PDZD2: variants seen among roughly 807,000 people sequenced by gnomAD.
PDZD2 encodes PDZ domain-containing protein 2.
A neutral mutation model predicts 220.7 loss-of-function variants in PDZD2; 90 were observed. That is an observed-to-expected ratio of 0.41 (90% CI 0.34 to 0.49). PDZD2 has a LOEUF of 0.49. Among genes scored for constraint, PDZD2 ranks in the 20% least tolerant of loss-of-function variants. PDZD2 has a pLI of 0.28. For missense variants in PDZD2, 3,174 were observed against 3,608.5 expected (o/e 0.88, Z 3.08); for synonymous variants, 1,375 against 1,450.5 (o/e 0.95, Z 1.18).
chr5:31,824,847 G>A (rs1756118914), intron 2 of PDZD2, among the ~76,000 whole-genome samples: 1 of 152,206 alleles, frequency 6.6e-6, no homozygotes, highest in South Asian at 2.1e-4. Flanking sequence ...ACGATTGCAG[G>A]ATCAAATATC....
chr5:32,013,838 G>A (rs59297643), intron 6 of PDZD2, among the ~76,000 whole-genome samples: 1,737 of 152,180 alleles, frequency 0.011, 33 homozygotes, highest in African/African-American at 0.04. Context: ...AGGTGGAACC[G>A]GGCTTCATGC....
At chr5:31,695,910 G>A (rs1293234425) in intron 1 of PDZD2, among the ~76,000 whole-genome samples, 5 of 152,128 alleles carry the variant, frequency 3.3e-5, no homozygotes, top group South Asian at 2.1e-4. Flanking sequence ...GGTGCATAAC[G>A]TCTTCAAAAT....
intron 1 of PDZD2, among the ~76,000 whole-genome samples, chr5:31,694,460 G>A (rs185991211): frequency 6.6e-5 from 10 of 152,290 alleles, no homozygotes; most frequent in East Asian, 3.9e-4. Context: ...CCACAGGTTT[G>A]GCTGTCTTCA....
At position 31,983,278 on chromosome 5, in the gene PDZD2, A is replaced by T; in HGVS notation, c.600A>T (p.Thr200=). The T allele has an allele frequency of 6.2e-7, 1 of 1,614,186 alleles. No homozygotes were observed. Among genetic ancestry groups the T allele is most frequent in the South Asian group, 1.1e-5 (1 of 91,084 alleles). ...GCAACAGCTCTGAACCAGGAGAAACACCTACCTTGGAGCTGGGTGACCGAA... is the reference window on the plus strand; with the variant it reads ...GCAACAGCTCTGAACCAGGAGAAACTCCTACCTTGGAGCTGGGTGACCGAA... ...NSSNSSEPGE[T]PTLELGDRTA... The change falls in exon 3 of 25, where the codon ACA becomes ACT. Residue 200 remains threonine, a synonymous_variant. Coordinates refer to ENST00000438447, the MANE Select transcript of PDZD2 (RefSeq NM_178140.4).
intron 19 of PDZD2, among the ~76,000 whole-genome samples, chr5:32,081,750 C>T (rs2112439805): frequency 6.6e-6 from 1 of 152,292 alleles, no homozygotes; most frequent in Middle Eastern, 3.4e-3. Flanking sequence ...GTGGCGGAGT[C>T]TTGCTCTGTT....
chr5:31,991,233 A>G (rs1252299070), intron 3 of PDZD2, among the ~76,000 whole-genome samples: 1 of 152,120 alleles, frequency 6.6e-6, no homozygotes, highest in African/African-American at 2.4e-5. Context: ...TTGATGGAGG[A>G]TAATGGATTG....
In PDZD2 at chr5:32,074,549, G is replaced by A. The variant is rs749545097; in HGVS notation, c.3443G>A (p.Arg1148Lys). ...TCACAGACAGTGAACCTGACTGGCA[G>A]AGCCAATGATCCATGCGATCTGGAC... Reference protein sequence around the residue: ...SGSQTVNLTGRANDPCDLDSR... With the variant: ...SGSQTVNLTGKANDPCDLDSR... Residue 1148 changes from arginine to lysine, a missense_variant, in exon 18 of 25, where the codon AGA becomes AAA. By Grantham distance (26) the Arg-to-Lys change is conservative. Around this residue, in one of 4 missense-constraint regions of PDZD2, gnomAD observed 1,861 missense variants for 2,001.0 expected, o/e 0.93. Coordinates refer to ENST00000438447, the MANE Select transcript of PDZD2 (RefSeq NM_178140.4). 1.9e-6 allele frequency: 3 copies of A among 1,614,140 alleles called. No individual in the cohort carries two copies. Among genetic ancestry groups the A allele is most frequent in the East Asian group, 4.5e-5 (2 of 44,876 alleles).
rs1167479844 is a variant in PDZD2, at chr5:32,059,223, A to G, written c.2201-16A>G. 1.4e-6 allele frequency: 2 copies of G among 1,416,530 alleles called. No homozygotes were observed. Among genetic ancestry groups the G allele is most frequent in the Non-Finnish European group, 2.0e-6 (2 of 1,013,126 alleles). The allele number at this position is 1,416,530 out of a possible 1,614,324, so 87.7% of individuals were successfully genotyped here. On this transcript the variant is annotated splice_polypyrimidine_tract_variant and intron_variant, in intron 12 of 24. Coordinates refer to ENST00000438447, the MANE Select transcript of PDZD2 (RefSeq NM_178140.4). ...TAATTTTTGTTTTTATTTTCTTTGA[A>G]TGGTGCCTCTCACAGAGCCAAGAGT...
At chr5:31,830,987 A>G (rs1246565582) in intron 2 of PDZD2, among the ~76,000 whole-genome samples, 1 of 152,192 alleles carries the variant, frequency 6.6e-6, no homozygotes, top group Non-Finnish European at 1.5e-5. Flanking sequence ...GGGAGGATGG[A>G]AGACTTCTTG....
At chr5:31,867,337 A>G (rs35566995) in intron 2 of PDZD2, among the ~76,000 whole-genome samples, 21,859 of 152,158 alleles carry the variant, frequency 0.14, 1,854 homozygotes, top group Middle Eastern at 0.23. Flanking sequence ...GCATCTCTCC[A>G]CCTTTAAACT....
intron 10 of PDZD2, among the ~76,000 whole-genome samples, chr5:32,055,892 G>A (rs992124237): frequency 1.3e-5 from 2 of 152,160 alleles, no homozygotes; most frequent in African/African-American, 4.8e-5. Context: ...TAATGGATGT[G>A]CCATGTGTTC....
intron 2 of PDZD2, among the ~76,000 whole-genome samples, chr5:31,829,082 T>C (rs1027667032): frequency 2.6e-5 from 4 of 152,214 alleles, no homozygotes; most frequent in Non-Finnish European, 5.9e-5. Flanking sequence ...TCTGTGAAGA[T>C]AGAGTTTTTG....
chr5:32,045,295 A>G (rs542452913), intron 7 of PDZD2, among the ~76,000 whole-genome samples: 3 of 152,264 alleles, frequency 2.0e-5, no homozygotes, highest in South Asian at 4.1e-4. Context: ...CTCTCATTTC[A>G]TGGAACATTT....
chr5:31,731,628 T>C (rs1340651481), intron 1 of PDZD2, among the ~76,000 whole-genome samples: 8 of 152,230 alleles, frequency 5.3e-5, no homozygotes, highest in African/African-American at 1.9e-4. Context: ...GTCTGGCTTC[T>C]TACGCTTAGC....
chr5:31,862,101 G>GTTGTTTTTTT (rs768772887), intron 2 of PDZD2, among the ~76,000 whole-genome samples: 4 of 78,496 alleles, frequency 5.1e-5, no homozygotes, highest in African/African-American at 4.8e-5. Context: ...TTTTTTTTGG[G>GTTGTTTTTTT]TTTTTTTTTT....
At chr5:31,824,290 A>G (rs762442145) in intron 2 of PDZD2, among the ~76,000 whole-genome samples, 2 of 152,196 alleles carry the variant, frequency 1.3e-5, no homozygotes, top group Non-Finnish European at 2.9e-5. Context: ...GAGCTAATAA[A>G]TGGGTATTGC....
At chr5:31,742,042 G>A (rs1726440548) in intron 1 of PDZD2, 1 of 152,156 alleles carries the variant, frequency 6.6e-6, no homozygotes, top group Admixed American at 6.5e-5. Flanking sequence ...CCCCACTTTG[G>A]GGACTTTGAA....
At position 31,822,987 on chromosome 5, in the gene PDZD2, C is replaced by G. The variant is rs1755978678; in HGVS notation, c.476+23263C>G. On this transcript the variant is annotated intron_variant, in intron 2 of 24. Coordinates refer to ENST00000438447, the MANE Select transcript of PDZD2 (RefSeq NM_178140.4). ...TGTCAACCCGGGGCCTCTTTTTTTTCTTTCCGAGAAGACTGAGTTCTACGT... is the reference window on the plus strand; with the variant it reads ...TGTCAACCCGGGGCCTCTTTTTTTTGTTTCCGAGAAGACTGAGTTCTACGT... 16 of 1,170,854 alleles carry G rather than the reference C, an allele frequency of 1.4e-5. No homozygotes were observed. In the South Asian group the frequency reaches 1.7e-4, roughly 12 times the overall value. 72.5% of individuals were successfully genotyped at this position (1,170,854 alleles called of 1,614,324 possible). A position where few individuals can be genotyped will look rare whatever the true frequency, so the allele number is the denominator to read the frequency against.
intron 2 of PDZD2, among the ~76,000 whole-genome samples, chr5:31,945,725 T>G (rs938132111): frequency 1.3e-5 from 2 of 152,076 alleles, no homozygotes; most frequent in Non-Finnish European, 1.5e-5. Context: ...GACCACATCG[T>G]CTTCCCTGGC....
Sources: allele counts gnomAD v4.1 joint callset (sites outside exome capture counted in the v4.1 genomes callset), GRCh38; gene constraint gnomAD v4.1.1; regional missense constraint gnomAD v4.1.1; transcripts MANE v1.5; gene names NCBI Gene and HGNC (gene_info 2026-07-23, HGNC 2026-07-21).